Variants in TBC1D22A observed in about 807,000 individuals in gnomAD.
TBC1D22A encodes TBC1 domain family member 22A.
TBC1D22A carries 38 observed loss-of-function variants against 60.2 expected under a neutral mutation model. The ratio of observed to expected loss-of-function variants is 0.63; its 90% CI spans 0.49 to 0.83. TBC1D22A has a LOEUF of 0.83. Ranked by LOEUF, TBC1D22A falls within the 40% of genes least tolerant of loss-of-function variation. The probability of loss-of-function intolerance (pLI) is 0.00; values close to 1 mark genes in which losing one functional copy is unlikely to be tolerated. For synonymous variants in TBC1D22A, 302 were observed against 281.7 expected (o/e 1.07, Z -0.72); for missense variants, 628 against 701.0 (o/e 0.90, Z 1.18).
chr22:46,826,414 T>C (rs889602229), intron 4 of TBC1D22A, among the ~76,000 whole-genome samples: 5 of 152,260 alleles, frequency 3.3e-5, no homozygotes, highest in African/African-American at 1.2e-4. Flanking sequence ...AATTACTCAA[T>C]GTAAAATTAT....
rs116669482 is a variant in TBC1D22A at position 46,952,743 on chromosome 22, A to G, written c.1016-21547A>G. ...TATTCTTTGGTCAGTACATCTGCCC[A>G]GTCTGCTGAAACCTGAGGGCCCCTG... On this transcript the variant is annotated intron_variant, in intron 8 of 12. Coordinates refer to ENST00000337137, the MANE Select transcript of TBC1D22A (RefSeq NM_014346.5). Among the ~76,000 whole-genome samples the G allele has an allele frequency of 5.4e-3, 827 of 152,286 alleles. 3 individuals are homozygous for G. The highest frequency in any genetic ancestry group is 0.018 in the African/African-American group (755 of 41,560).
At chr22:46,827,503 TA>T (rs2086121838) in intron 4 of TBC1D22A, among the ~76,000 whole-genome samples, 1 of 152,242 alleles carries the variant, frequency 6.6e-6, no homozygotes, top group Admixed American at 6.5e-5. Context: ...CTCACGGACT[TA>T]CCTTTTGAAC....
At chr22:46,872,826 T>TC (rs1369993055) in intron 4 of TBC1D22A, among the ~76,000 whole-genome samples, 1 of 152,136 alleles carries the variant, frequency 6.6e-6, no homozygotes, top group African/African-American at 2.4e-5. Context: ...ATTGATCTGC[T>TC]CAGGAGTAGG....
chr22:47,072,033 T>C (rs1430622664), intron 11 of TBC1D22A, among the ~76,000 whole-genome samples: 1 of 152,226 alleles, frequency 6.6e-6, no homozygotes, highest in Non-Finnish European at 1.5e-5. Context: ...GAAAACTTCA[T>C]GTTTCTAAGG....
intron 9 of TBC1D22A, among the ~76,000 whole-genome samples, chr22:46,985,552 T>A (rs1231419977): frequency 2.0e-5 from 3 of 152,244 alleles, no homozygotes; most frequent in Non-Finnish European, 4.4e-5. Flanking sequence ...ACAGTAGCTT[T>A]GAAAACCCTA....
chr22:46,816,805 C>G (rs932132314), intron 4 of TBC1D22A, among the ~76,000 whole-genome samples: 2 of 152,156 alleles, frequency 1.3e-5, no homozygotes, highest in Admixed American at 6.5e-5. Flanking sequence ...TAACATTTCA[C>G]GGTCGTGGTG....
Position 46,840,645 on chromosome 22 carries a change from A to G in TBC1D22A, c.638-38008A>G, listed in dbSNP as rs559986748. 8.5e-5 allele frequency among the ~76,000 whole-genome samples: 13 copies of G among 152,182 alleles called. No homozygotes were observed. In the South Asian group the frequency reaches 1.2e-3, roughly 15 times the overall value. On this transcript the variant is annotated intron_variant, in intron 4 of 12. Transcript: ENST00000337137. ...CTACTTGGGAGGCTGAGGCAGGAGA[A>G]TGGCTTGAACCCAGAAGGCGGAGGT...
At chr22:46,950,049 A>C (rs2148000248) in intron 8 of TBC1D22A, among the ~76,000 whole-genome samples, 1 of 152,328 alleles carries the variant, frequency 6.6e-6, no homozygotes, top group East Asian at 1.9e-4. Context: ...TTGGGAACGT[A>C]CTGAGACTAG....
chr22:47,157,505 C>T (rs2067772736), intron 12 of TBC1D22A, among the ~76,000 whole-genome samples: 1 of 152,204 alleles, frequency 6.6e-6, no homozygotes, highest in Admixed American at 6.5e-5. Flanking sequence ...CTGCACGGGC[C>T]AGGATGTGGT....
At chr22:46,992,315 G>A (rs1408001919) in intron 9 of TBC1D22A, among the ~76,000 whole-genome samples, 2 of 152,274 alleles carry the variant, frequency 1.3e-5, no homozygotes, top group African/African-American at 4.8e-5. Flanking sequence ...CGTCCGAAAC[G>A]TTGCCTGCTG....
chr22:46,975,594 GT>G (rs2074264902), intron 9 of TBC1D22A, among the ~76,000 whole-genome samples: 3 of 152,202 alleles, frequency 2.0e-5, no homozygotes, highest in Non-Finnish European at 4.4e-5. Flanking sequence ...AGATGGGGTT[GT>G]CACTTGACAT....
chr22:46,966,764 C>A (rs1355694968), intron 8 of TBC1D22A, among the ~76,000 whole-genome samples: 1 of 152,222 alleles, frequency 6.6e-6, no homozygotes, highest in Admixed American at 6.5e-5. Context: ...GTACCAAGTT[C>A]TTTGTACAAA....
At chr22:46,954,068 C>T (rs903364689) in intron 8 of TBC1D22A, among the ~76,000 whole-genome samples, 2 of 152,154 alleles carry the variant, frequency 1.3e-5, no homozygotes, top group South Asian at 2.1e-4. Flanking sequence ...GATCAGGTCA[C>T]GGTCACACTA....
At chr22:46,972,140 G>A (rs962914269) in intron 8 of TBC1D22A, among the ~76,000 whole-genome samples, 1 of 152,236 alleles carries the variant, frequency 6.6e-6, no homozygotes. Flanking sequence ...CCGGTATGCT[G>A]TGGACAATGG....
intron 12 of TBC1D22A, among the ~76,000 whole-genome samples, chr22:47,141,823 C>G (rs2067095893): frequency 6.6e-6 from 1 of 152,212 alleles, no homozygotes. Context: ...ATCTTAAACA[C>G]TACAGTTTTT....
intron 12 of TBC1D22A, among the ~76,000 whole-genome samples, chr22:47,133,189 G>A (rs1035637073): frequency 3.3e-5 from 5 of 152,196 alleles, no homozygotes; most frequent in South Asian, 2.1e-4. Context: ...TTTTCTCAGC[G>A]GTTCCCAAGT....
chr22:46,941,348 T>TATATAGAATATATATAC (rs1569247702), intron 8 of TBC1D22A, among the ~76,000 whole-genome samples: 2 of 93,504 alleles, frequency 2.1e-5, no homozygotes, highest in African/African-American at 9.1e-5. Context: ...TATATATATA[T>TATATAGAATATATATAC]AGAATATATA....
intron 8 of TBC1D22A, among the ~76,000 whole-genome samples, chr22:46,916,237 T>C (rs573076712): frequency 6.6e-6 from 1 of 152,214 alleles, no homozygotes; most frequent in Non-Finnish European, 1.5e-5. Context: ...CAGAGGAGAA[T>C]GTTCATCTTC....
intron 8 of TBC1D22A, among the ~76,000 whole-genome samples, chr22:46,941,694 G>A (rs1336722003): frequency 1.7e-5 from 1 of 58,146 alleles, no homozygotes; most frequent in Non-Finnish European, 3.4e-5. Flanking sequence ...ATATATACGC[G>A]GATTATATAT....
Sources: gnomAD v4.1 joint callset for allele counts (sites outside exome capture counted in the v4.1 genomes callset) on GRCh38, gnomAD v4.1.1 for gene constraint, MANE v1.5 for transcripts, NCBI Gene and HGNC (gene_info 2026-07-23, HGNC 2026-07-21) for gene names.